TMEM74B: variants seen among roughly 807,000 people sequenced by gnomAD.
The protein encoded by TMEM74B is transmembrane protein 74B.
In TMEM74B, 7 loss-of-function variants were observed where a neutral mutation model predicts 6.5. That is an observed-to-expected ratio of 1.07 (90% CI 0.61 to 2.01). The LOEUF (loss-of-function observed/expected upper bound fraction) is 2.01, where lower values mean the gene tolerates loss of function less well. Ranked by LOEUF, TMEM74B falls within the 30% of genes most tolerant of loss-of-function variation. The pLI is 0.00. For missense variants in TMEM74B, 342 were observed against 337.0 expected (o/e 1.01, Z -0.12); for synonymous variants, 151 against 151.6 (o/e 1.00, Z 0.03).
At position 1,184,758 on chromosome 20, in the gene TMEM74B, A is replaced by C. The variant is rs2086973369; in HGVS notation, c.-604T>G. On this transcript the variant is annotated 5_prime_UTR_variant, in exon 1 of 3. Coordinates refer to ENST00000429036, the MANE Select transcript of TMEM74B (RefSeq NM_001304748.2). The surrounding 1 kb of genome is among the most constrained non-coding windows in gnomAD (Gnocchi z 6.0). ...CTGACACCCGGAGAGAGGGACGCAC[A>C]GCGGCTGTGGGTGAAGCTTCACAAA... 6.6e-6 allele frequency: 1 copy of C among 152,344 alleles called. No individual in the cohort carries two copies. Among genetic ancestry groups the C allele is most frequent in the African/African-American group, 2.4e-5 (1 of 41,456 alleles). 9.4% of individuals were successfully genotyped at this position (152,344 alleles called of 1,614,324 possible). A position where few individuals can be genotyped will look rare whatever the true frequency, so the allele number is the denominator to read the frequency against.
chr20:1,181,455 G>A lies in TMEM74B; in HGVS notation c.164C>T (p.Thr55Ile), dbSNP rs763413980. Residue 55 changes from threonine to isoleucine, a missense_variant, in exon 3 of 3, where the codon ACC becomes ATC. Thr to Ile is a moderately conservative substitution (Grantham distance 89, BLOSUM62 -1). Transcript: ENST00000429036. This position sits in a 1 kb window ranked among gnomAD's most constrained non-coding sequence, Gnocchi z 4.9. ...GCAGGCATTCTCCACACCCTCCCTG[G>A]TTGGGGCCACTGGGCCCAGGGGAGC... ...RSAPLGPVAP[T>I]REGVENACFS... 12 of 1,514,422 alleles carry A rather than the reference G, an allele frequency of 7.9e-6. No homozygotes were observed. Among genetic ancestry groups the A allele is most frequent in the Non-Finnish European group, 1.1e-5 (12 of 1,132,182 alleles). 93.8% of individuals were successfully genotyped at this position (1,514,422 alleles called of 1,614,324 possible).
chr20:1,185,854 AC>A (rs1382311657), upstream of TMEM74B, among the ~76,000 whole-genome samples: 2 of 124,900 alleles, frequency 1.6e-5, no homozygotes, highest in African/African-American at 6.0e-5. Flanking sequence ...CCCAGGTAGG[AC>A]CCCGGGTCCT....
upstream of TMEM74B, among the ~76,000 whole-genome samples, chr20:1,185,796 C>T (rs1393017483): frequency 6.6e-6 from 1 of 151,298 alleles, no homozygotes; most frequent in Non-Finnish European, 1.5e-5. Flanking sequence ...ACTCCTCACC[C>T]CCACTCTGCC....
chr20:1,183,666 C>G (rs550580774), intron 2 of TMEM74B, 105 bp downstream of exon 2: 1 of 1,403,120 alleles, frequency 7.1e-7, no homozygotes, highest in Admixed American at 1.8e-5. Context: ...TCCGGAATTA[C>G]TGTCTCTATT....
At chr20:1,183,322 G>GTT (rs2086928715) in intron 2 of TMEM74B, among the ~76,000 whole-genome samples, 2 of 151,490 alleles carry the variant, frequency 1.3e-5, no homozygotes, top group Non-Finnish European at 2.9e-5. Context: ...GTGTTTGTGT[G>GTT]TGTGTGTGTG....
At chr20:1,183,168 G>A (rs2122674808) in intron 2 of TMEM74B, among the ~76,000 whole-genome samples, 1 of 152,338 alleles carries the variant, frequency 6.6e-6, no homozygotes, top group African/African-American at 2.4e-5. Context: ...GGGCTACAGA[G>A]ACCACCAGGT....
At chr20:1,185,784 C>T (rs1010798913), upstream of TMEM74B, among the ~76,000 whole-genome samples, 1 of 151,750 alleles carries the variant, frequency 6.6e-6, no homozygotes, top group Non-Finnish European at 1.5e-5. Flanking sequence ...AGGTGCCTCC[C>T]CACTCCTCAC....
chr20:1,180,662 CTGCTTGCCCGTGTG>C lies in TMEM74B; in HGVS notation c.*172_*185del, dbSNP rs2086837098. The C allele has an allele frequency of 3.0e-6, 2 of 675,182 alleles. No homozygotes were observed. Among genetic ancestry groups the C allele is most frequent in the African/African-American group, 1.8e-5 (1 of 54,156 alleles). The allele number at this position is 675,182 out of a possible 1,614,324, so 41.8% of individuals were successfully genotyped here. Reference sequence around the variant, plus strand: ...CTCAGCTACAAAACAGATCAGTGGGCTGCTTGCCCGTGTGGGGCATGGGCTGGGCCCCGAGCTCT... The same window carrying C: ...CTCAGCTACAAAACAGATCAGTGGGCGGGCATGGGCTGGGCCCCGAGCTCT... On this transcript the variant is annotated 3_prime_UTR_variant, in exon 3 of 3. Transcript: ENST00000429036. This position sits in a 1 kb window ranked among gnomAD's most constrained non-coding sequence, Gnocchi z 6.1.
intron 2 of TMEM74B, among the ~76,000 whole-genome samples, chr20:1,183,021 TC>T (rs1383212363): frequency 6.6e-6 from 1 of 152,278 alleles, no homozygotes; most frequent in Non-Finnish European, 1.5e-5. Flanking sequence ...ATCTAGCCTC[TC>T]CCCGACAGGT....
rs774743803 is a variant in TMEM74B at position 1,181,529 on chromosome 20, A to G, written c.90T>C (p.Gly30=). 1 of 1,484,018 alleles carries G rather than the reference A, an allele frequency of 6.7e-7. No homozygotes were observed. The highest frequency in any genetic ancestry group is 1.4e-5 in the South Asian group (1 of 69,120). 91.9% of individuals were successfully genotyped at this position (1,484,018 alleles called of 1,614,324 possible). A position where few individuals can be genotyped will look rare whatever the true frequency, so the allele number is the denominator to read the frequency against. The change falls in exon 3 of 3, where the codon GGT becomes GGC. Residue 30 remains glycine (G), a synonymous_variant. Coordinates refer to ENST00000429036, the MANE Select transcript of TMEM74B (RefSeq NM_001304748.2). This position sits in a 1 kb window ranked among gnomAD's most constrained non-coding sequence, Gnocchi z 4.9. ...GPSFPMASPP[G]LELKTLSNGP... The stretch of plus-strand genomic sequence containing the variant: ...CATTGCTCAGTGTCTTCAGTTCCAG[A>G]CCAGGGGGAGATGCCATTGGGAAGG...
intron 2 of TMEM74B, among the ~76,000 whole-genome samples, chr20:1,182,591 C>G (rs998755279): frequency 2.6e-5 from 4 of 152,088 alleles, no homozygotes; most frequent in African/African-American, 9.7e-5. Flanking sequence ...TAGGTCAAAG[C>G]CAAATGCCTT....
chr20:1,184,513 T>A lies in TMEM74B; in HGVS notation c.-359A>T, dbSNP rs1253040372. On this transcript the variant is annotated 5_prime_UTR_variant, in exon 1 of 3. Transcript: ENST00000429036. This position sits in a 1 kb window ranked among gnomAD's most constrained non-coding sequence, Gnocchi z 6.0. ...AGGAACACTCCAGTTCCACACACACTCCCCCAGCAGCTGTTCCCACAGCAG... is the reference window on the plus strand; with the variant it reads ...AGGAACACTCCAGTTCCACACACACACCCCCAGCAGCTGTTCCCACAGCAG... 6.6e-6 allele frequency: 1 copy of A among 150,548 alleles called. No individual in the cohort carries two copies. The highest frequency in any genetic ancestry group is 2.5e-5 in the African/African-American group (1 of 40,708). The allele number at this position is 150,548 out of a possible 1,614,324, so 9.3% of individuals were successfully genotyped here.
chr20:1,182,083 G>A (rs1377469528), intron 2 of TMEM74B, among the ~76,000 whole-genome samples: 1 of 151,750 alleles, frequency 6.6e-6, no homozygotes, highest in Non-Finnish European at 1.5e-5. Flanking sequence ...TGAATAAAAT[G>A]CCTCCCTCAT....
chr20:1,182,706 A>G (rs962311190), intron 2 of TMEM74B, among the ~76,000 whole-genome samples: 1 of 152,046 alleles, frequency 6.6e-6, no homozygotes, highest in Non-Finnish European at 1.5e-5. Context: ...GAGTTACCCC[A>G]CCCAAGAACC....
rs2086959212 is a variant in TMEM74B, at chr20:1,184,398, A to G, written c.-244T>C. The G allele has an allele frequency of 6.6e-6, 1 of 152,596 alleles. No homozygotes were observed. Among genetic ancestry groups the G allele is most frequent in the Non-Finnish European group, 1.5e-5 (1 of 68,208 alleles). 9.5% of individuals were successfully genotyped at this position (152,596 alleles called of 1,614,324 possible). A position where few individuals can be genotyped will look rare whatever the true frequency, so the allele number is the denominator to read the frequency against. ...CAATTACCCTAACATAAGCAGAAAC[A>G]CACCAACTGACATAGCTGCTCCCGC... On this transcript the variant is annotated 5_prime_UTR_variant, in exon 1 of 3. Transcript: ENST00000429036. This position sits in a 1 kb window ranked among gnomAD's most constrained non-coding sequence, Gnocchi z 6.0.
rs892346928 is a variant in TMEM74B at position 1,184,978 on chromosome 20, A to G, written c.-824T>C. Among the ~76,000 whole-genome samples, 15 of 152,278 alleles carry G rather than the reference A, an allele frequency of 9.9e-5. No individual in the cohort carries two copies. Among genetic ancestry groups the G allele is most frequent in the African/African-American group, 3.1e-4 (13 of 41,574 alleles). ...CTTGCCCACAGACGCGGGACCCGGAAGGCCGAACCGGACCAGGCGGAGGCC... is the reference window on the plus strand; with the variant it reads ...CTTGCCCACAGACGCGGGACCCGGAGGGCCGAACCGGACCAGGCGGAGGCC... On this transcript the variant is annotated 5_prime_UTR_variant, in exon 1 of 3. Coordinates refer to ENST00000429036, the MANE Select transcript of TMEM74B (RefSeq NM_001304748.2). The surrounding 1 kb of genome is among the most constrained non-coding windows in gnomAD (Gnocchi z 6.0).
chr20:1,183,769 A>G lies in TMEM74B; in HGVS notation c.31+2T>C. 1.9e-6 allele frequency: 3 copies of G among 1,613,824 alleles called. No individual in the cohort carries two copies. Among genetic ancestry groups the G allele is most frequent in the South Asian group, 1.1e-5 (1 of 91,044 alleles). On this transcript the variant is annotated splice_donor_variant, in intron 2 of 2. Coordinates refer to ENST00000429036, the MANE Select transcript of TMEM74B (RefSeq NM_001304748.2). LOFTEE classifies it high-confidence loss of function. ...CCCTAAGAATTATTATCATGTACAA[A>G]CCTGCAAACTCATACCCCTGTGCTG...
In TMEM74B at chr20:1,183,787, C is replaced by T; in HGVS notation, c.15G>A (p.Gln5=). 1.2e-6 allele frequency: 2 copies of T among 1,614,030 alleles called. No homozygotes were observed. The highest frequency in any genetic ancestry group is 1.7e-6 in the Non-Finnish European group (2 of 1,180,018). The part of the protein sequence containing the change: MPPA[Q]GYEFAAAKGP... ...TGTACAAACCTGCAAACTCATACCC[C>T]TGTGCTGGTGGCATCACTCCACCAG... Residue 5 remains glutamine (Q), a synonymous_variant, in exon 2 of 3, where the codon CAG becomes CAA. Coordinates refer to ENST00000429036, the MANE Select transcript of TMEM74B (RefSeq NM_001304748.2).
rs1381176770 is a variant in TMEM74B, at chr20:1,184,505, A to C, written c.-351T>G. Reference sequence around the variant, plus strand: ...GTCCTGAAAGGAACACTCCAGTTCCACACACACTCCCCCAGCAGCTGTTCC... The same window carrying C: ...GTCCTGAAAGGAACACTCCAGTTCCCCACACACTCCCCCAGCAGCTGTTCC... On this transcript the variant is annotated 5_prime_UTR_variant, in exon 1 of 3. Coordinates refer to ENST00000429036, the MANE Select transcript of TMEM74B (RefSeq NM_001304748.2). This position sits in a 1 kb window ranked among gnomAD's most constrained non-coding sequence, Gnocchi z 6.0. 6.6e-6 allele frequency: 1 copy of C among 152,486 alleles called. No individual in the cohort carries two copies. Among genetic ancestry groups the C allele is most frequent in the Non-Finnish European group, 1.5e-5 (1 of 68,202 alleles). The allele number at this position is 152,486 out of a possible 1,614,324, so 9.4% of individuals were successfully genotyped here. A position where few individuals can be genotyped will look rare whatever the true frequency, so the allele number is the denominator to read the frequency against.
Sources: allele counts gnomAD v4.1 joint callset (sites outside exome capture counted in the v4.1 genomes callset), GRCh38; gene constraint gnomAD v4.1.1; non-coding constraint Gnocchi (gnomAD v3.1); transcripts MANE v1.5; gene names NCBI Gene and HGNC (gene_info 2026-07-23, HGNC 2026-07-21).